Variants in CELSR1 observed in about 807,000 individuals in gnomAD.
CELSR1 encodes adhesion G protein-coupled receptor C1.
Under a neutral mutation model 249.1 loss-of-function variants are expected in CELSR1, and 110 were observed. That is an observed-to-expected ratio of 0.44 (90% CI 0.38 to 0.52). CELSR1 has a LOEUF of 0.52. Among genes scored for constraint, CELSR1 ranks in the 20% least tolerant of loss-of-function variants. The probability of loss-of-function intolerance (pLI) is 0.00; values close to 1 mark genes in which losing one functional copy is unlikely to be tolerated. For synonymous variants in CELSR1, 2,113 were observed against 1,900.0 expected (o/e 1.11, Z -2.92); for missense variants, 4,109 against 4,296.4 (o/e 0.96, Z 1.22).
chr22:46,385,387 G>A (rs1192788734), intron 19 of CELSR1, among the ~76,000 whole-genome samples: 4 of 152,258 alleles, frequency 2.6e-5, no homozygotes, highest in Middle Eastern at 3.4e-3. Flanking sequence ...GAACTACCAC[G>A]CCCAGCTGAC....
intron 1 of CELSR1, among the ~76,000 whole-genome samples, chr22:46,499,816 G>A (rs1569204310): frequency 6.6e-6 from 1 of 152,018 alleles, no homozygotes; most frequent in South Asian, 2.1e-4. Context: ...GCGCTGGCCC[G>A]GGATGGCCCT....
rs1413483260 is a variant in CELSR1 at position 46,398,393 on chromosome 22, A to G, written c.5526+131T>C. ...GGAAACAGGAGCTGTTAAAGTGGGG[A>G]TGCCTGTCAGACAAATTCTTCACTC... On this transcript the variant is annotated intron_variant, in intron 11 of 34. Coordinates refer to ENST00000674500, the MANE Select transcript of CELSR1 (RefSeq NM_001378328.1). The surrounding 1 kb of genome is among the most constrained non-coding windows in gnomAD (Gnocchi z 7.2). 1 of 625,624 alleles carries G rather than the reference A, an allele frequency of 1.6e-6. No homozygotes were observed. Among genetic ancestry groups the G allele is most frequent in the African/African-American group, 1.9e-5 (1 of 53,536 alleles). 38.8% of individuals were successfully genotyped at this position (625,624 alleles called of 1,614,324 possible).
chr22:46,508,502 C>T (rs937336807), intron 1 of CELSR1, among the ~76,000 whole-genome samples: 1 of 137,114 alleles, frequency 7.3e-6, no homozygotes, highest in Non-Finnish European at 1.5e-5. Context: ...CCCTTTGTTG[C>T]TGAGCATTTC....
At chr22:46,532,441 A>C (rs568781194) in intron 1 of CELSR1, among the ~76,000 whole-genome samples, 255 of 152,380 alleles carry the variant, frequency 1.7e-3, no homozygotes, top group Non-Finnish European at 3.2e-3. Context: ...TAAGTTTCAC[A>C]TCTTATAAGC....
Position 46,381,916 on chromosome 22 carries a change from G to A in CELSR1, c.7018C>T (p.Leu2340=), listed in dbSNP as rs961735147. Residue 2340 remains leucine (L), a synonymous_variant, in exon 21 of 35, where the codon CTG becomes TTG. Transcript: ENST00000674500. This position sits in a 1 kb window ranked among gnomAD's most constrained non-coding sequence, Gnocchi z 6.0. ...PDDAGQFAVA[L]VIIYRTLGQL... ...CCCAGGGTGCGGTAAATGATGACCA[G>A]AGCGACGGCGAACTGGCCAGCGTCA... 9.5e-6 allele frequency: 15 copies of A among 1,573,084 alleles called. No individual in the cohort carries two copies. Among genetic ancestry groups the A allele is most frequent in the Non-Finnish European group, 1.2e-5 (14 of 1,161,222 alleles).
intron 28 of CELSR1, 134 bp from the exon 29 acceptor site, chr22:46,367,252 G>A: frequency 1.6e-6 from 2 of 1,242,062 alleles, no homozygotes; most frequent in Non-Finnish European, 2.2e-6. Context: ...GACACGGCCA[G>A]GCCTCCCCTC....
intron 1 of CELSR1, among the ~76,000 whole-genome samples, chr22:46,524,323 G>T (rs575669820): frequency 6.6e-6 from 1 of 152,218 alleles, no homozygotes; most frequent in Non-Finnish European, 1.5e-5. Context: ...CTCTGGGCCA[G>T]CCTCCTTGCT....
rs1363865791 is a variant in CELSR1, at chr22:46,512,692, C to T, written c.3544+20935G>A. Among the ~76,000 whole-genome samples the T allele has an allele frequency of 6.6e-6, 1 of 152,206 alleles. No individual in the cohort carries two copies. Among genetic ancestry groups the T allele is most frequent in the African/African-American group, 2.4e-5 (1 of 41,446 alleles). On this transcript the variant is annotated intron_variant, in intron 1 of 34. Coordinates refer to ENST00000674500, the MANE Select transcript of CELSR1 (RefSeq NM_001378328.1). The surrounding 1 kb of genome is among the most constrained non-coding windows in gnomAD (Gnocchi z 5.2). The stretch of plus-strand genomic sequence containing the variant: ...CCACTCTGCTCCTTCGGATAAGATC[C>T]CTCCACAGTCAACCCTTCTTGTCAC...
intron 18 of CELSR1, 134 bp from the exon 19 acceptor site, chr22:46,386,719 C>T (rs2079037861): frequency 1.5e-6 from 1 of 667,224 alleles, no homozygotes. Context: ...TTAGACTGTG[C>T]TCTTTAATAT....
chr22:46,523,564 T>TAAATAAAAA, intron 1 of CELSR1, among the ~76,000 whole-genome samples: 1 of 116,852 alleles, frequency 8.6e-6, no homozygotes, highest in African/African-American at 4.3e-5. Flanking sequence ...ATAAATAAAA[T>TAAATAAAAA]AAAAAGAAAG....
rs76007425 is a variant in CELSR1 at position 46,410,055 on chromosome 22, G to A, written c.4934-175C>T. The stretch of plus-strand genomic sequence containing the variant: ...CATGGGAACTAAGAAGGTGCTGAAC[G>A]CACTGACCACATTTGGAGACGCTGG... On this transcript the variant is annotated intron_variant, in intron 7 of 34. Transcript: ENST00000674500. The surrounding 1 kb of genome is among the most constrained non-coding windows in gnomAD (Gnocchi z 6.8). Among the ~76,000 whole-genome samples the A allele has an allele frequency of 0.012, 1,833 of 152,336 alleles. 27 individuals carry two copies. Among genetic ancestry groups the A allele is most frequent in the African/African-American group, 0.042 (1,751 of 41,572 alleles).
At chr22:46,514,245 C>T (rs2080603908) in intron 1 of CELSR1, among the ~76,000 whole-genome samples, 1 of 152,148 alleles carries the variant, frequency 6.6e-6, no homozygotes, top group African/African-American at 2.4e-5. Context: ...AGGGGAATCC[C>T]ACCCAGTCCT....
rs2079676440 is a variant in CELSR1 at position 46,437,458 on chromosome 22, G to A, written c.4407-1169C>T. Among the ~76,000 whole-genome samples, 1 of 152,222 alleles carries A rather than the reference G, an allele frequency of 6.6e-6. No homozygotes were observed. The highest frequency in any genetic ancestry group is 1.5e-5 in the Non-Finnish European group (1 of 68,038). On this transcript the variant is annotated intron_variant, in intron 3 of 34. Transcript: ENST00000674500. The surrounding 1 kb of genome is among the most constrained non-coding windows in gnomAD (Gnocchi z 4.9). ...ATCTGACCTCAGCCTTTTCTCTGGA[G>A]TTAAAATTGATGGTTTCGGCTGGCC... is the stretch of plus-strand genomic sequence containing the variant.
rs893013612 is a variant in CELSR1, at chr22:46,473,997, G to A, written c.3545-9652C>T. Among the ~76,000 whole-genome samples, 2 of 152,126 alleles carry A rather than the reference G, an allele frequency of 1.3e-5. No homozygotes were observed. Among genetic ancestry groups the A allele is most frequent in the Non-Finnish European group, 2.9e-5 (2 of 68,018 alleles). ...CAAGCACTTTCAGGGTTGGGTGTGC[G>A]GCGCATGTCAGGATGTCAAGCCACG... On this transcript the variant is annotated intron_variant, in intron 1 of 34. Coordinates refer to ENST00000674500, the MANE Select transcript of CELSR1 (RefSeq NM_001378328.1). This position sits in a 1 kb window ranked among gnomAD's most constrained non-coding sequence, Gnocchi z 6.6.
In CELSR1 at chr22:46,406,021, A is replaced by C. The variant is rs555096712; in HGVS notation, c.5226+2975T>G. Among the ~76,000 whole-genome samples, 1 of 152,202 alleles carries C rather than the reference A, an allele frequency of 6.6e-6. No homozygotes were observed. The highest frequency in any genetic ancestry group is 6.5e-5 in the Admixed American group (1 of 15,288). On this transcript the variant is annotated intron_variant, in intron 9 of 34. Transcript: ENST00000674500. The surrounding 1 kb of genome is among the most constrained non-coding windows in gnomAD (Gnocchi z 5.4). ...GGAGGGCTGGCTGTAGTCCCTGGCAAAATTCCTAATCTGGGGATGAGCCCT... is the reference window on the plus strand; with the variant it reads ...GGAGGGCTGGCTGTAGTCCCTGGCACAATTCCTAATCTGGGGATGAGCCCT...
In CELSR1 at chr22:46,394,132, G is replaced by T. The variant is rs11703679; in HGVS notation, c.5964+10C>A. ...CACAGCATGCAGGGATCATGGGGGCGGGGCCTCACCTTGCATTGGCACTGG... is the reference window on the plus strand; with the variant it reads ...CACAGCATGCAGGGATCATGGGGGCTGGGCCTCACCTTGCATTGGCACTGG... On this transcript the variant is annotated intron_variant, in intron 14 of 34. Coordinates refer to ENST00000674500, the MANE Select transcript of CELSR1 (RefSeq NM_001378328.1). The T allele has an allele frequency of 0.18, 283,752 of 1,612,062 alleles. 35,809 individuals carry two copies. The highest frequency in any genetic ancestry group is 0.66 in the African/African-American group (49,703 of 74,938).
intron 5 of CELSR1, among the ~76,000 whole-genome samples, chr22:46,420,172 A>G (rs1186497288): frequency 6.6e-6 from 1 of 150,986 alleles, no homozygotes; most frequent in Non-Finnish European, 1.5e-5. Context: ...CCACACGTGC[A>G]CTCATTCATA....
At chr22:46,483,749 C>T (rs1298096039) in intron 1 of CELSR1, among the ~76,000 whole-genome samples, 1 of 152,162 alleles carries the variant, frequency 6.6e-6, no homozygotes, top group East Asian at 1.9e-4. Flanking sequence ...GTGCCCAGGA[C>T]ACACAGCTGT....
chr22:46,389,007 C>T (rs1406400632), intron 18 of CELSR1, among the ~76,000 whole-genome samples: 1 of 152,226 alleles, frequency 6.6e-6, no homozygotes, highest in East Asian at 1.9e-4. Flanking sequence ...AGGTGGGCCA[C>T]TTAGAATCCC....
Sources: gnomAD v4.1 joint callset for allele counts (sites outside exome capture counted in the v4.1 genomes callset) on GRCh38, gnomAD v4.1.1 for gene constraint, Gnocchi (gnomAD v3.1) non-coding constraint, MANE v1.5 for transcripts, NCBI Gene and HGNC (gene_info 2026-07-23, HGNC 2026-07-21) for gene names.